The following NAV3 variants were observed in gnomAD, a reference collection of about 807,000 sequenced individuals.
NAV3 encodes neuron navigator 3.
A neutral mutation model predicts 244.7 loss-of-function variants in NAV3; 87 were observed. The observed-to-expected ratio is 0.36, with a 90% CI of 0.30 to 0.42. NAV3 has a LOEUF of 0.42. NAV3 is among the 20% of genes least tolerant of loss of function. The pLI, the probability that NAV3 is intolerant of heterozygous loss-of-function variation, is 1.00. For missense variants in NAV3, 2,663 were observed against 2,893.3 expected (o/e 0.92, Z 1.83); for synonymous variants, 1,126 against 1,042.2 (o/e 1.08, Z -1.55).
At chr12:77,886,773 T>C in intron 1 of NAV3, among the ~76,000 whole-genome samples, 1 of 152,200 alleles carries the variant, frequency 6.6e-6, no homozygotes, top group East Asian at 1.9e-4. Flanking sequence ...GAACAGTGCC[T>C]ATCAATAAAT....
At chr12:78,006,009 A>T (rs1283728550) in intron 7 of NAV3, among the ~76,000 whole-genome samples, 1 of 152,200 alleles carries the variant, frequency 6.6e-6, no homozygotes, top group African/African-American at 2.4e-5. Context: ...CCCGAGTTCA[A>T]GCATTATACA....
At chr12:77,934,008 A>C (rs1458008004) in intron 1 of NAV3, among the ~76,000 whole-genome samples, 9 of 152,190 alleles carry the variant, frequency 5.9e-5, no homozygotes, top group Non-Finnish European at 1.3e-4. Context: ...TCTGTATAGT[A>C]GGAGAAAATG....
chr12:77,880,592 G>T (rs1249967426), intron 1 of NAV3, among the ~76,000 whole-genome samples: 1 of 152,070 alleles, frequency 6.6e-6, no homozygotes, highest in Non-Finnish European at 1.5e-5. Flanking sequence ...TATTATAATT[G>T]CAGTAAGGTA....
At chr12:77,779,162 G>C (rs1284875599) in intron 2 of NAV3, among the ~76,000 whole-genome samples, 1 of 152,190 alleles carries the variant, frequency 6.6e-6, no homozygotes, top group Non-Finnish European at 1.5e-5. Context: ...GTTTGGGATA[G>C]ATATTATGAA....
chr12:78,026,158 C>T (rs1309166977), intron 9 of NAV3, among the ~76,000 whole-genome samples: 1 of 152,024 alleles, frequency 6.6e-6, no homozygotes, highest in Non-Finnish European at 1.5e-5. Context: ...GATTTAATAT[C>T]GATATTATCT....
chr12:78,158,607 A>G (rs1957402255), intron 22 of NAV3, among the ~76,000 whole-genome samples: 2 of 152,170 alleles, frequency 1.3e-5, no homozygotes, highest in South Asian at 2.1e-4. Flanking sequence ...TGAAGGGAAT[A>G]TGAAGTAGAA....
At chr12:77,935,870 G>T (rs865795222) in intron 1 of NAV3, among the ~76,000 whole-genome samples, 2 of 152,108 alleles carry the variant, frequency 1.3e-5, no homozygotes, top group African/African-American at 4.8e-5. Context: ...GATGTGCTAC[G>T]CACTTTCAGA....
chr12:77,873,744 G>GTATATATATATATATA (rs556787799), intron 1 of NAV3, among the ~76,000 whole-genome samples: 12 of 73,168 alleles, frequency 1.6e-4, no homozygotes, highest in Non-Finnish European at 3.2e-4. Context: ...ATGTGTGTGT[G>GTATATATATATATATA]TATATATATA....
chr12:78,110,837 A>G (rs1410490345), intron 12 of NAV3, among the ~76,000 whole-genome samples: 1 of 152,096 alleles, frequency 6.6e-6, no homozygotes, highest in Admixed American at 6.5e-5. Context: ...ACTATCTGCC[A>G]TTAAAAAGAA....
intron 5 of NAV3, among the ~76,000 whole-genome samples, chr12:77,979,110 C>T (rs1324256964): frequency 6.6e-6 from 1 of 151,364 alleles, no homozygotes; most frequent in Non-Finnish European, 1.5e-5. Context: ...CATGATAGCT[C>T]ATGCCTGTAA....
chr12:78,019,779 G>A (rs545867157), intron 8 of NAV3, among the ~76,000 whole-genome samples: 4 of 152,208 alleles, frequency 2.6e-5, no homozygotes, highest in African/African-American at 7.2e-5. Flanking sequence ...CATAGGTTGC[G>A]TGGGACCCAA....
chr12:77,636,162 A>G (rs1344991246), intron 2 of NAV3, among the ~76,000 whole-genome samples: 1 of 152,138 alleles, frequency 6.6e-6, no homozygotes, highest in African/African-American at 2.4e-5. Flanking sequence ...TAGAATGGCG[A>G]TCATTAAAAA....
chr12:77,641,796 G>A (rs1431863529), intron 2 of NAV3, among the ~76,000 whole-genome samples: 3 of 152,114 alleles, frequency 2.0e-5, no homozygotes, highest in African/African-American at 7.2e-5. Context: ...ACAGCTGTTT[G>A]TTGAGCTGCA....
At chr12:77,610,781 C>A (rs924666290) in intron 2 of NAV3, among the ~76,000 whole-genome samples, 5 of 152,010 alleles carry the variant, frequency 3.3e-5, no homozygotes, top group Non-Finnish European at 7.4e-5. Flanking sequence ...TGAGCCTGGT[C>A]TCCATGTACA....
chr12:78,189,245 T>A (rs1336382707), intron 33 of NAV3, among the ~76,000 whole-genome samples: 1 of 151,912 alleles, frequency 6.6e-6, no homozygotes, highest in African/African-American at 2.4e-5. Flanking sequence ...TTAGATGATG[T>A]GATTAATTAT....
chr12:78,196,039 G>A (rs990016250), intron 34 of NAV3, among the ~76,000 whole-genome samples: 3 of 152,092 alleles, frequency 2.0e-5, no homozygotes, highest in African/African-American at 2.4e-5. Flanking sequence ...GGCTATGAAC[G>A]CAGTAGATAG....
intron 23 of NAV3, among the ~76,000 whole-genome samples, chr12:78,163,464 C>A (rs1957650764): frequency 6.6e-6 from 1 of 151,824 alleles, no homozygotes; most frequent in Non-Finnish European, 1.5e-5. Context: ...AAGGAAACAT[C>A]TGCAGAGGCA....
At chr12:77,801,809 C>CTT (rs1871721679) in intron 2 of NAV3, among the ~76,000 whole-genome samples, 1 of 152,268 alleles carries the variant, frequency 6.6e-6, no homozygotes, top group South Asian at 2.1e-4. Flanking sequence ...CCCTAACTCT[C>CTT]TGCCTGTAAC....
At chr12:78,116,454 A>G (rs995528842) in intron 12 of NAV3, among the ~76,000 whole-genome samples, 10 of 152,202 alleles carry the variant, frequency 6.6e-5, no homozygotes, top group African/African-American at 2.4e-4. Context: ...AGGATAAAAA[A>G]GTCAGCTGTA....
Sources: allele counts gnomAD v4.1 joint callset (sites outside exome capture counted in the v4.1 genomes callset), GRCh38; gene constraint gnomAD v4.1.1; transcripts MANE v1.5; gene names NCBI Gene and HGNC (gene_info 2026-07-23, HGNC 2026-07-21).